Variants in NFIX observed in about 807,000 individuals in gnomAD.
NFIX encodes the protein nuclear factor I X.
NFIX carries 2 observed loss-of-function variants against 53.3 expected under a neutral mutation model. The ratio of observed to expected loss-of-function variants is 0.04; its 90% CI spans 0.02 to 0.12. The LOEUF is 0.12. Ranked by LOEUF, NFIX falls within the 10% of genes least tolerant of loss-of-function variation. The probability of loss-of-function intolerance (pLI) is 1.00; values close to 1 mark genes in which losing one functional copy is unlikely to be tolerated. For synonymous variants in NFIX, 244 were observed against 289.0 expected (o/e 0.84, Z 1.58); for missense variants, 310 against 674.5 (o/e 0.46, Z 5.99).
intron 7 of NFIX, among the ~76,000 whole-genome samples, chr19:13,079,598 C>T (rs1298646716): frequency 1.3e-5 from 2 of 152,108 alleles, no homozygotes; most frequent in African/African-American, 4.8e-5. Flanking sequence ...TACCTCCTGG[C>T]TTCCTCCTTG....
At position 13,078,337 on chromosome 19, in the gene NFIX, C is replaced by T. The variant is rs2017236716; in HGVS notation, c.956-276C>T. Reference sequence around the variant, plus strand: ...CAGGGCATAGGCTGGGGCCCTTGCTCACCCCCTGCCTGGCACACACCACCC... The same window carrying T: ...CAGGGCATAGGCTGGGGCCCTTGCTTACCCCCTGCCTGGCACACACCACCC... On this transcript the variant is annotated intron_variant, in intron 6 of 10. Coordinates refer to ENST00000592199, the MANE Select transcript of NFIX (RefSeq NM_001365902.3). The surrounding 1 kb of genome is among the most constrained non-coding windows in gnomAD (Gnocchi z 4.7). Among the ~76,000 whole-genome samples the T allele has an allele frequency of 6.6e-6, 1 of 152,238 alleles. No homozygotes were observed. The highest frequency in any genetic ancestry group is 1.5e-5 in the Non-Finnish European group (1 of 68,034).
chr19:13,042,416 A>G (rs1599772143), intron 2 of NFIX, among the ~76,000 whole-genome samples: 3 of 123,042 alleles, frequency 2.4e-5, no homozygotes, highest in African/African-American at 3.2e-5. Flanking sequence ...GTGCAGTGGC[A>G]CTATCTCAGC....
intron 1 of NFIX, among the ~76,000 whole-genome samples, chr19:13,017,128 C>T (rs2012710781): frequency 3.3e-5 from 5 of 152,094 alleles, no homozygotes; most frequent in Non-Finnish European, 7.3e-5. Flanking sequence ...ACTTCCCGTG[C>T]AAACAGTTTG....
At chr19:13,033,224 G>A (rs2013944603) in intron 2 of NFIX, among the ~76,000 whole-genome samples, 2 of 152,208 alleles carry the variant, frequency 1.3e-5, no homozygotes, top group African/African-American at 4.8e-5. Flanking sequence ...AGGGTTGTTG[G>A]CGTTAGAATA....
intron 2 of NFIX, among the ~76,000 whole-genome samples, chr19:13,056,346 G>A (rs2145345123): frequency 6.6e-6 from 1 of 152,312 alleles, no homozygotes; most frequent in Middle Eastern, 3.4e-3. Flanking sequence ...GCAGAGGAGG[G>A]AGTGGGGAGG....
intron 2 of NFIX, among the ~76,000 whole-genome samples, chr19:13,048,960 C>A (rs1392036812): frequency 6.6e-6 from 1 of 152,104 alleles, no homozygotes; most frequent in Non-Finnish European, 1.5e-5. Flanking sequence ...GCCTGTAATC[C>A]CAGCTACTCG....
rs536263563 is a variant in NFIX at position 13,013,725 on chromosome 19, G to A, written c.28-11296G>A. 11 of 151,888 alleles carry A rather than the reference G, an allele frequency of 7.2e-5. No individual in the cohort carries two copies. In the South Asian group the frequency reaches 1.9e-3, roughly 26 times the overall value. 9.4% of individuals were successfully genotyped at this position (151,888 alleles called of 1,614,324 possible). A position where few individuals can be genotyped will look rare whatever the true frequency, so the allele number is the denominator to read the frequency against. ...AAGCATGTGAGACAGAGGCTGAATG[G>A]TAGAAACAGGCTGTTAAAAAAAGAA... On this transcript the variant is annotated intron_variant, in intron 1 of 10. Transcript: ENST00000592199. The surrounding 1 kb of genome is among the most constrained non-coding windows in gnomAD (Gnocchi z 5.9).
rs2014560875 is a variant in NFIX, at chr19:13,040,757, T to C, written c.559+15205T>C. On this transcript the variant is annotated intron_variant, in intron 2 of 10. Transcript: ENST00000592199. This position sits in a 1 kb window ranked among gnomAD's most constrained non-coding sequence, Gnocchi z 4.2. ...TGTGAATAGGGAGGGAGGTTTGTCT[T>C]TCACACACTCGCGCACACACACAGC... is the stretch of plus-strand genomic sequence containing the variant. Among the ~76,000 whole-genome samples the C allele has an allele frequency of 6.6e-6, 1 of 152,158 alleles. No individual in the cohort carries two copies. The highest frequency in any genetic ancestry group is 2.1e-4 in the South Asian group (1 of 4,830).
At chr19:13,024,147 G>A in intron 1 of NFIX, 1 of 777,266 alleles carries the variant, frequency 1.3e-6, no homozygotes, top group Non-Finnish European at 2.0e-6. Flanking sequence ...AAAACCGAGA[G>A]AGCCCATCCT....
rs1405496933 is a variant in NFIX at position 13,081,469 on chromosome 19, T to G, written c.1079-211T>G. Among the ~76,000 whole-genome samples, 1 of 152,118 alleles carries G rather than the reference T, an allele frequency of 6.6e-6. No homozygotes were observed. Among genetic ancestry groups the G allele is most frequent in the Non-Finnish European group, 1.5e-5 (1 of 68,028 alleles). On this transcript the variant is annotated intron_variant, in intron 7 of 10. Transcript: ENST00000592199. This position sits in a 1 kb window ranked among gnomAD's most constrained non-coding sequence, Gnocchi z 4.7. ...CCCTAGTTTGCCTATTTGATTATTA[T>G]TATTATTATTATTTTTGTATTGCAT...
At chr19:12,997,209 C>T (rs938774265) in intron 1 of NFIX, among the ~76,000 whole-genome samples, 2 of 152,158 alleles carry the variant, frequency 1.3e-5, no homozygotes, top group Non-Finnish European at 2.9e-5. Context: ...TGTCAAGGGG[C>T]GAGGGGTTTG....
At chr19:13,029,901 G>A (rs1279196597) in intron 2 of NFIX, among the ~76,000 whole-genome samples, 2 of 152,316 alleles carry the variant, frequency 1.3e-5, no homozygotes, top group South Asian at 2.1e-4. Context: ...GCGGTGGAGG[G>A]CATTGTTCAG....
At position 13,045,852 on chromosome 19, in the gene NFIX, A is replaced by G. The variant is rs1434843584; in HGVS notation, c.559+20300A>G. 6.6e-6 allele frequency among the ~76,000 whole-genome samples: 1 copy of G among 152,196 alleles called. No homozygotes were observed. Among genetic ancestry groups the G allele is most frequent in the Non-Finnish European group, 1.5e-5 (1 of 68,028 alleles). On this transcript the variant is annotated intron_variant, in intron 2 of 10. Coordinates refer to ENST00000592199, the MANE Select transcript of NFIX (RefSeq NM_001365902.3). This position sits in a 1 kb window ranked among gnomAD's most constrained non-coding sequence, Gnocchi z 4.4. ...CCATGTCCTCGTTGCCGACTGAGGC[A>G]CCTGGGAGTGAGGGGCTTGGACATT... is the stretch of plus-strand genomic sequence containing the variant.
In NFIX at chr19:13,088,276, C is replaced by A; in HGVS notation, c.1402+140C>A. ...AGAGCACCATGGACAAGAGCAGAGC[C>A]GAGCCCCCCAACCACAGCCTCCCTC... is the stretch of plus-strand genomic sequence containing the variant. On this transcript the variant is annotated intron_variant, in intron 9 of 10. Coordinates refer to ENST00000592199, the MANE Select transcript of NFIX (RefSeq NM_001365902.3). The surrounding 1 kb of genome is among the most constrained non-coding windows in gnomAD (Gnocchi z 5.9). 1.8e-6 allele frequency: 2 copies of A among 1,083,016 alleles called. No individual in the cohort carries two copies. Among genetic ancestry groups the A allele is most frequent in the Non-Finnish European group, 2.6e-6 (2 of 775,562 alleles). 67.1% of individuals were successfully genotyped at this position (1,083,016 alleles called of 1,614,324 possible).
intron 8 of NFIX, among the ~76,000 whole-genome samples, chr19:13,083,907 G>C (rs1298173856): frequency 1.3e-5 from 2 of 152,248 alleles, no homozygotes; most frequent in African/African-American, 4.8e-5. Flanking sequence ...GCGCCCAGCT[G>C]TGCTTGCACT....
intron 2 of NFIX, among the ~76,000 whole-genome samples, chr19:13,035,578 C>T (rs2014129047): frequency 6.6e-6 from 1 of 152,016 alleles, no homozygotes; most frequent in Admixed American, 6.6e-5. Flanking sequence ...GGTCTTAGTA[C>T]TACTCTTTTT....
At chr19:13,024,893 G>A in intron 1 of NFIX, 128 bp from the exon 2 acceptor site, 1 of 1,342,234 alleles carries the variant, frequency 7.5e-7, no homozygotes. Flanking sequence ...GGGAGGAGGA[G>A]GAGAAGGCGG....
intron 8 of NFIX, among the ~76,000 whole-genome samples, chr19:13,086,454 G>C (rs1332219524): frequency 6.6e-6 from 1 of 152,210 alleles, no homozygotes; most frequent in African/African-American, 2.4e-5. Flanking sequence ...ATGGCCCAGA[G>C]CCTCAGTTTC....
In NFIX at chr19:13,049,935, C is replaced by T. The variant is rs1011909533; in HGVS notation, c.560-23112C>T. Among the ~76,000 whole-genome samples, 3 of 152,212 alleles carry T rather than the reference C, an allele frequency of 2.0e-5. No individual in the cohort carries two copies. The highest frequency in any genetic ancestry group is 1.5e-5 in the Non-Finnish European group (1 of 68,046). On this transcript the variant is annotated intron_variant, in intron 2 of 10. Transcript: ENST00000592199. This position sits in a 1 kb window ranked among gnomAD's most constrained non-coding sequence, Gnocchi z 4.5. ...AATAATATTTAATTGTATGGCTGTG[C>T]CACATTTTGTTTATCCATTCATACA...
Sources: gnomAD v4.1 joint callset for allele counts (sites outside exome capture counted in the v4.1 genomes callset) on GRCh38, gnomAD v4.1.1 for gene constraint, Gnocchi (gnomAD v3.1) non-coding constraint, MANE v1.5 for transcripts, NCBI Gene and HGNC (gene_info 2026-07-23, HGNC 2026-07-21) for gene names.